The following LPP variants were observed in gnomAD, a reference collection of about 807,000 sequenced individuals.
LPP encodes LIM domain containing preferred translocation partner in lipoma.
LPP carries 38 observed loss-of-function variants against 60.4 expected under a neutral mutation model. The observed-to-expected ratio is 0.63, with a 90% CI of 0.49 to 0.83. The LOEUF is 0.83. Among genes scored for constraint, LPP ranks in the 40% least tolerant of loss-of-function variants. The pLI is 0.00. For missense variants in LPP, 902 were observed against 783.6 expected, an observed-to-expected ratio of 1.15 and a Z score of -1.80; for synonymous variants, 328 against 290.8, an observed-to-expected ratio of 1.13 and a Z score of -1.30.
chr3:188,374,187 G>C (rs1300015773), intron 3 of LPP, among the ~76,000 whole-genome samples: 6 of 151,910 alleles, frequency 3.9e-5, no homozygotes, highest in Non-Finnish European at 8.8e-5. Context: ...ACTTGGCGAT[G>C]CAGGCTGTTT....
chr3:188,442,124 A>T (rs1476379864), intron 4 of LPP, among the ~76,000 whole-genome samples: 2 of 152,208 alleles, frequency 1.3e-5, no homozygotes, highest in South Asian at 2.1e-4. Flanking sequence ...ACTTTTATTT[A>T]TTTATTTTTA....
chr3:188,407,728 T>C (rs1025236607), intron 4 of LPP, among the ~76,000 whole-genome samples: 3 of 151,262 alleles, frequency 2.0e-5, no homozygotes, highest in Non-Finnish European at 4.4e-5. Context: ...TCTCTCTTCA[T>C]AGGGACAGGA....
chr3:188,746,722 T>C (rs998225091), intron 8 of LPP: 7 of 311,412 alleles, frequency 2.2e-5, no homozygotes, highest in African/African-American at 1.3e-4. Flanking sequence ...CTTATCTCAC[T>C]AGTTATTAGG....
chr3:188,435,222 G>A (rs912731932), intron 4 of LPP, among the ~76,000 whole-genome samples: 6 of 152,102 alleles, frequency 3.9e-5, no homozygotes, highest in East Asian at 1.9e-4. Flanking sequence ...AGGATGTTCC[G>A]GGTAGATTAA....
intron 5 of LPP, among the ~76,000 whole-genome samples, chr3:188,485,641 C>CA (rs1341096237): frequency 2.0e-5 from 3 of 150,648 alleles, no homozygotes; most frequent in Middle Eastern, 3.4e-3. Flanking sequence ...ACTAAAAATA[C>CA]AAAAAATTAG....
chr3:188,154,194 G>GCCGCCA lies in LPP; in HGVS notation c.-243_-242insACCGCC. ...GCCTCTGCCTCCGCCTCCAGCCGCCGCCGCCGCCGCCGCCGCCGCCACCAC... is the reference window on the plus strand; with the variant it reads ...GCCTCTGCCTCCGCCTCCAGCCGCCGCCGCCACCGCCGCCGCCGCCGCCGCCACCAC... On this transcript the variant is annotated 5_prime_UTR_variant, in exon 1 of 12. Transcript: ENST00000617246. 1 of 219,692 alleles carries GCCGCCA rather than the reference G, an allele frequency of 4.6e-6. No individual in the cohort carries two copies. 13.6% of individuals were successfully genotyped at this position (219,692 alleles called of 1,614,324 possible).
chr3:188,337,122 G>C (rs1244437706), intron 2 of LPP, among the ~76,000 whole-genome samples: 2 of 152,148 alleles, frequency 1.3e-5, no homozygotes, highest in African/African-American at 4.8e-5. Context: ...GGGAAGAGTG[G>C]AACAGTTGCT....
intron 1 of LPP, among the ~76,000 whole-genome samples, chr3:188,204,127 AG>A (rs1255369570): frequency 6.6e-6 from 1 of 152,148 alleles, no homozygotes. Context: ...TGCAGTAAAG[AG>A]GTTTTGCACT....
intron 4 of LPP, among the ~76,000 whole-genome samples, chr3:188,476,273 C>T (rs1358194609): frequency 6.6e-6 from 1 of 151,974 alleles, no homozygotes; most frequent in Non-Finnish European, 1.5e-5. Context: ...AGATGGCACT[C>T]GATGAATAAA....
At chr3:188,550,095 T>C (rs1212879335) in intron 6 of LPP, among the ~76,000 whole-genome samples, 1 of 152,190 alleles carries the variant, frequency 6.6e-6, no homozygotes, top group Admixed American at 6.5e-5. Context: ...GATGCTGTTT[T>C]TGTATTAATG....
chr3:188,380,906 C>T (rs1257855095), intron 3 of LPP, among the ~76,000 whole-genome samples: 1 of 152,208 alleles, frequency 6.6e-6, no homozygotes, highest in Non-Finnish European at 1.5e-5. Flanking sequence ...GATTAGGAAA[C>T]TGAATCATAC....
Position 188,544,700 on chromosome 3 carries a change from T to A in LPP, c.429+19913T>A, listed in dbSNP as rs1826076059. Among the ~76,000 whole-genome samples the A allele has an allele frequency of 3.3e-5, 3 of 91,510 alleles. No individual in the cohort carries two copies. In the Admixed American group the frequency reaches 3.8e-4, roughly 12 times the overall value. 60.0% of individuals were successfully genotyped at this position (91,510 alleles called of 152,430 possible). On this transcript the variant is annotated intron_variant, in intron 6 of 11. Transcript: ENST00000617246. ...CCATTGTGGAAGTCAGTGTGGCGATTCCTCAGGGATCTAGAACTAGAAATA... is the reference window on the plus strand; with the variant it reads ...CCATTGTGGAAGTCAGTGTGGCGATACCTCAGGGATCTAGAACTAGAAATA...
chr3:188,446,352 C>T (rs1381184281), intron 4 of LPP, among the ~76,000 whole-genome samples: 6 of 152,154 alleles, frequency 3.9e-5, no homozygotes, highest in Non-Finnish European at 7.3e-5. Flanking sequence ...CTCCAGACGC[C>T]GTGCCAGTCA....
intron 7 of LPP, among the ~76,000 whole-genome samples, chr3:188,637,984 A>G (rs1352843219): frequency 2.0e-5 from 3 of 150,424 alleles, no homozygotes; most frequent in Non-Finnish European, 4.4e-5. Context: ...AATCAATAGA[A>G]AAAGAGGGAA....
At chr3:188,406,341 A>G (rs1783482657) in intron 4 of LPP, 28 bp downstream of exon 4, 3 of 1,595,160 alleles carry the variant, frequency 1.9e-6, no homozygotes, top group South Asian at 2.2e-5. Context: ...AGAGTTGGTT[A>G]CTTGGAGTAG....
At chr3:188,707,623 G>T (rs192265234) in intron 7 of LPP, among the ~76,000 whole-genome samples, 1 of 152,174 alleles carries the variant, frequency 6.6e-6, no homozygotes, top group Admixed American at 6.5e-5. Flanking sequence ...CAAAATGTTC[G>T]CTTTCTGGAC....
rs908088892 is a variant in LPP, at chr3:188,884,302, C to T, written c.*9823C>T. 11 of 230,388 alleles carry T rather than the reference C, an allele frequency of 4.8e-5. No individual in the cohort carries two copies. Among genetic ancestry groups the T allele is most frequent in the Non-Finnish European group, 6.9e-5 (8 of 116,430 alleles). 14.3% of individuals were successfully genotyped at this position (230,388 alleles called of 1,614,324 possible). On this transcript the variant is annotated 3_prime_UTR_variant, in exon 12 of 12. Transcript: ENST00000617246. ...GTCCAGTGCTGTCTCCAAGTAGCCA[C>T]GCTCACAGCTGAGAACACCTTAGAG...
At chr3:188,400,156 C>T (rs1160758310) in intron 3 of LPP, among the ~76,000 whole-genome samples, 1 of 151,918 alleles carries the variant, frequency 6.6e-6, no homozygotes, top group East Asian at 1.9e-4. Flanking sequence ...AACATTATGG[C>T]AAGTAGAATT....
intron 4 of LPP, among the ~76,000 whole-genome samples, chr3:188,479,555 A>G (rs1804184936): frequency 6.6e-6 from 1 of 152,222 alleles, no homozygotes; most frequent in Non-Finnish European, 1.5e-5. Context: ...CATGCGACCT[A>G]CAGTTACTGA....
Sources: allele counts gnomAD v4.1 joint callset (sites outside exome capture counted in the v4.1 genomes callset), GRCh38; gene constraint gnomAD v4.1.1; transcripts MANE v1.5; gene names NCBI Gene and HGNC (gene_info 2026-07-23, HGNC 2026-07-21).